The following BACE1 variants were observed in gnomAD, a reference collection of about 807,000 sequenced individuals.
The protein encoded by BACE1 is APP beta-secretase.
In BACE1, 21 loss-of-function variants were observed where a neutral mutation model predicts 54.0. The ratio of observed to expected loss-of-function variants is 0.39; its 90% CI spans 0.28 to 0.56. The LOEUF (loss-of-function observed/expected upper bound fraction) is 0.56. BACE1 is among the 20% of genes least tolerant of loss of function. The pLI is 0.63. For synonymous variants in BACE1, 232 were observed against 260.9 expected (o/e 0.89, Z 1.07); for missense variants, 511 against 661.2 (o/e 0.77, Z 2.49).
rs1254896673 is a variant in BACE1 at position 117,287,953 on chromosome 11, G to GACC, written c.*1610_*1612dup. On this transcript the variant is annotated 3_prime_UTR_variant, in exon 9 of 9. Transcript: ENST00000313005. ...GTCCCATACCTGGAAGCAGCGGGTT[G>GACC]ACCAGGTAGGAGTAGGATGCAGTGG... The GACC allele has an allele frequency of 6.6e-6, 1 of 152,654 alleles. No homozygotes were observed. The highest frequency in any genetic ancestry group is 1.9e-4 in the East Asian group (1 of 5,200). The allele number at this position is 152,654 out of a possible 1,614,324, so 9.5% of individuals were successfully genotyped here.
In BACE1 at chr11:117,315,441, G is replaced by A. The variant is rs967702122; in HGVS notation, c.261+94C>T. ...GGGGTCCCTCCTGCTGTCCCCACCA[G>A]CCCATTTGAGCAGGGGCTAGCTTGA... On this transcript the variant is annotated intron_variant, in intron 1 of 8. Transcript: ENST00000313005. This position sits in a 1 kb window ranked among gnomAD's most constrained non-coding sequence, Gnocchi z 5.5. 1 of 1,483,484 alleles carries A rather than the reference G, an allele frequency of 6.7e-7. No individual in the cohort carries two copies. The highest frequency in any genetic ancestry group is 9.0e-7 in the Non-Finnish European group (1 of 1,117,036). The allele number at this position is 1,483,484 out of a possible 1,614,324, so 91.9% of individuals were successfully genotyped here.
chr11:117,301,606 CAAA>C (rs1225592776), intron 1 of BACE1, among the ~76,000 whole-genome samples: 1 of 130,416 alleles, frequency 7.7e-6, no homozygotes, highest in Non-Finnish European at 1.7e-5. Flanking sequence ...AAGACCGTCT[CAAA>C]AAAAAAAAAA....
chr11:117,295,141 T>C lies in BACE1; in HGVS notation c.557A>G (p.Glu186Gly). 1.9e-6 allele frequency: 3 copies of C among 1,614,174 alleles called. No homozygotes were observed. The highest frequency in any genetic ancestry group is 2.5e-6 in the Non-Finnish European group (3 of 1,180,010). Reference sequence around the variant, plus strand: ...CCCTGTTCCTCTCACCCTGGCAATCTCAGCATAGGCCAGCCCCAGGATGCC... The same window carrying C: ...CCCTGTTCCTCTCACCCTGGCAATCCCAGCATAGGCCAGCCCCAGGATGCC... ...WEGILGLAYA[E>G]IARPDDSLEP... The change falls in exon 3 of 9, where the codon GAG (glutamate) becomes GGG (glycine). Residue 186 changes from glutamate (E) to glycine (G), a missense_variant. Glu to Gly is a moderately conservative substitution (Grantham distance 98). Coordinates refer to ENST00000313005, the MANE Select transcript of BACE1 (RefSeq NM_012104.6).
At position 117,289,630 on chromosome 11, in the gene BACE1, C is replaced by A. The variant is rs550533792; in HGVS notation, c.1442G>T (p.Arg481Leu). The change falls in exon 9 of 9, where the codon CGC becomes CTC. Residue 481 changes from arginine (R) to leucine (L), a missense_variant. Around this residue, in one of 2 missense-constraint regions of BACE1, gnomAD observed 407 missense variants for 565.7 expected, o/e 0.72. Transcript: ENST00000313005. ...LPLCLMVCQW[R>L]CLRCLRQQHD... ...CTGCTGGCGCAGGCAGCGGAGGCAGCGCCACTGACACACCATGAGGCAGAG... is the reference window on the plus strand; with the variant it reads ...CTGCTGGCGCAGGCAGCGGAGGCAGAGCCACTGACACACCATGAGGCAGAG... 1.9e-6 allele frequency: 3 copies of A among 1,614,170 alleles called. No individual in the cohort carries two copies. In the South Asian group the frequency reaches 3.3e-5, roughly 18 times the overall value.
At chr11:117,302,417 C>G (rs916723858) in intron 1 of BACE1, among the ~76,000 whole-genome samples, 1 of 152,196 alleles carries the variant, frequency 6.6e-6, no homozygotes, top group African/African-American at 2.4e-5. Context: ...TCAGATATCT[C>G]AGTTCCCCAC....
In BACE1 at chr11:117,289,224, G is replaced by A; in HGVS notation, c.*342C>T. 1 of 259,848 alleles carries A rather than the reference G, an allele frequency of 3.8e-6. No homozygotes were observed. The highest frequency in any genetic ancestry group is 7.5e-6 in the Non-Finnish European group (1 of 132,560). 16.1% of individuals were successfully genotyped at this position (259,848 alleles called of 1,614,324 possible). A position where few individuals can be genotyped will look rare whatever the true frequency, so the allele number is the denominator to read the frequency against. On this transcript the variant is annotated 3_prime_UTR_variant, in exon 9 of 9. Transcript: ENST00000313005. Reference sequence around the variant, plus strand: ...GTGATGCCAGTACTTCTGAAACTAAGAAAAGAAGAATACTTTGGGTTGGAG... The same window carrying A: ...GTGATGCCAGTACTTCTGAAACTAAAAAAAGAAGAATACTTTGGGTTGGAG...
chr11:117,289,165 G>A lies in BACE1; in HGVS notation c.*401C>T, dbSNP rs866649180. The A allele has an allele frequency of 3.9e-5, 8 of 207,138 alleles. No homozygotes were observed. Among genetic ancestry groups the A allele is most frequent in the Middle Eastern group, 2.1e-3 (1 of 484 alleles). 12.8% of individuals were successfully genotyped at this position (207,138 alleles called of 1,614,324 possible). A position where few individuals can be genotyped will look rare whatever the true frequency, so the allele number is the denominator to read the frequency against. On this transcript the variant is annotated 3_prime_UTR_variant, in exon 9 of 9. Coordinates refer to ENST00000313005, the MANE Select transcript of BACE1 (RefSeq NM_012104.6). Reference sequence around the variant, plus strand: ...CAAGCTTGGTCTCTTCTCTGCCAGGGTACCACAGGGACACACGCCAAGGTA... The same window carrying A: ...CAAGCTTGGTCTCTTCTCTGCCAGGATACCACAGGGACACACGCCAAGGTA...
Position 117,290,896 on chromosome 11 carries a change from A to G in BACE1, c.1092+4T>C. 3.7e-6 allele frequency: 6 copies of G among 1,613,730 alleles called. No homozygotes were observed. Among genetic ancestry groups the G allele is most frequent in the Non-Finnish European group, 5.1e-6 (6 of 1,179,848 alleles). ...AGATCCCCCTGACTCAGGCTGGGAC[A>G]TACCTGCGGAAGGATGGTGATGCGG... On this transcript the variant is annotated splice_donor_region_variant and intron_variant, in intron 7 of 8. Transcript: ENST00000313005.
At chr11:117,299,872 T>A (rs2034684053) in intron 1 of BACE1, among the ~76,000 whole-genome samples, 1 of 152,216 alleles carries the variant, frequency 6.6e-6, no homozygotes. Flanking sequence ...CAGGGCTCCC[T>A]GCTATCACTG....
intron 2 of BACE1, 179 bp from the exon 3 acceptor site, chr11:117,295,526 G>T: frequency 6.5e-7 from 1 of 1,535,916 alleles, no homozygotes; most frequent in Non-Finnish European, 8.7e-7. Flanking sequence ...AAGTGGGCTT[G>T]CAGATAGATG....
At chr11:117,311,303 G>A (rs929040553) in intron 1 of BACE1, among the ~76,000 whole-genome samples, 1 of 152,086 alleles carries the variant, frequency 6.6e-6, no homozygotes, top group African/African-American at 2.4e-5. Flanking sequence ...TCCAGCCTGG[G>A]CAACAGAGAG....
At position 117,293,204 on chromosome 11, in the gene BACE1, G is replaced by A; in HGVS notation, c.706-16C>T. On this transcript the variant is annotated splice_polypyrimidine_tract_variant and intron_variant, in intron 4 of 8. Coordinates refer to ENST00000313005, the MANE Select transcript of BACE1 (RefSeq NM_012104.6). The surrounding 1 kb of genome is among the most constrained non-coding windows in gnomAD (Gnocchi z 4.1). ...CTCCAATGATCTAGGGAAAAAAAGA[G>A]GCAGGTACCCGTGTCCTGGCACAGA... 6.2e-7 allele frequency: 1 copy of A among 1,612,606 alleles called. No homozygotes were observed. The highest frequency in any genetic ancestry group is 2.2e-5 in the East Asian group (1 of 44,762).
In BACE1 at chr11:117,293,978, A is replaced by T. The variant is rs1344472280; in HGVS notation, c.598T>A (p.Ser200Thr). The change falls in exon 4 of 9, where the codon TCT (serine) becomes ACT (threonine). Residue 200 changes from serine to threonine, a missense_variant. This residue lies in a region of BACE1 where 407 missense variants were observed against 565.7 expected (regional missense o/e 0.72). Transcript: ENST00000313005. The surrounding 1 kb of genome is among the most constrained non-coding windows in gnomAD (Gnocchi z 4.1). ...PDDSLEPFFDSLVKQTHVPNL... is the reference protein window; with the variant it reads ...PDDSLEPFFDTLVKQTHVPNL... ...GGAACGTGGGTCTGCTTTACCAGAG[A>T]GTCAAAGAAAGGCTCCAGGGAGTCG... 4 of 1,613,988 alleles carry T rather than the reference A, an allele frequency of 2.5e-6. No individual in the cohort carries two copies. The South Asian group carries it at 4.4e-5, about 18-fold the overall frequency.
At chr11:117,309,235 C>T (rs1036465981) in intron 1 of BACE1, among the ~76,000 whole-genome samples, 1 of 152,176 alleles carries the variant, frequency 6.6e-6, no homozygotes, top group Non-Finnish European at 1.5e-5. Flanking sequence ...CCAAGTTATT[C>T]TGCACACTGA....
rs751979949 is a variant in BACE1, at chr11:117,290,895, C to T, written c.1092+5G>A. ...GAGATCCCCCTGACTCAGGCTGGGACATACCTGCGGAAGGATGGTGATGCG... is the reference window on the plus strand; with the variant it reads ...GAGATCCCCCTGACTCAGGCTGGGATATACCTGCGGAAGGATGGTGATGCG... On this transcript the variant is annotated splice_donor_5th_base_variant and intron_variant, in intron 7 of 8. Coordinates refer to ENST00000313005, the MANE Select transcript of BACE1 (RefSeq NM_012104.6). The T allele has an allele frequency of 5.0e-6, 8 of 1,613,444 alleles. No homozygotes were observed. Among genetic ancestry groups the T allele is most frequent in the Non-Finnish European group, 5.9e-6 (7 of 1,179,734 alleles).
intron 1 of BACE1, among the ~76,000 whole-genome samples, chr11:117,299,422 C>T (rs568179122): frequency 2.0e-5 from 3 of 152,160 alleles, no homozygotes; most frequent in Non-Finnish European, 2.9e-5. Context: ...ACTTCAGTTT[C>T]GTCCTCTCTG....
chr11:117,293,675 G>A lies in BACE1; in HGVS notation c.705+196C>T. On this transcript the variant is annotated intron_variant, in intron 4 of 8. Transcript: ENST00000313005. This position sits in a 1 kb window ranked among gnomAD's most constrained non-coding sequence, Gnocchi z 4.1. The stretch of plus-strand genomic sequence containing the variant: ...TGCCTTCCTTTCCAAGTTTACCATA[G>A]GTGCCTTGATTCCTTTCTGGAATAA... 2.0e-6 allele frequency: 1 copy of A among 489,516 alleles called. No individual in the cohort carries two copies. 30.3% of individuals were successfully genotyped at this position (489,516 alleles called of 1,614,324 possible). A position where few individuals can be genotyped will look rare whatever the true frequency, so the allele number is the denominator to read the frequency against.
chr11:117,315,652 G>C lies in BACE1; in HGVS notation c.144C>G (p.Asp48Glu), dbSNP rs777927645. 1 of 1,575,108 alleles carries C rather than the reference G, an allele frequency of 6.3e-7. No individual in the cohort carries two copies. The highest frequency in any genetic ancestry group is 1.2e-5 in the South Asian group (1 of 86,320). The change falls in exon 1 of 9, where the codon GAC (aspartate) becomes GAG (glutamate). Residue 48 changes from aspartate to glutamate, a missense_variant. Coordinates refer to ENST00000313005, the MANE Select transcript of BACE1 (RefSeq NM_012104.6). The surrounding 1 kb of genome is among the most constrained non-coding windows in gnomAD (Gnocchi z 5.5). ...PLGLRLPRETDEEPEEPGRRG... is the reference protein window; with the variant it reads ...PLGLRLPRETEEEPEEPGRRG... ...TCCGGCCGGGCTCCTCGGGCTCTTC[G>C]TCGGTCTCCCGGGGCAGCCGCAGCC...
intron 1 of BACE1, among the ~76,000 whole-genome samples, chr11:117,303,147 G>T (rs1198371144): frequency 6.6e-6 from 1 of 152,130 alleles, no homozygotes; most frequent in Non-Finnish European, 1.5e-5. Flanking sequence ...TAGGTTATAG[G>T]TGTGGCTCTA....
Sources: gnomAD v4.1 joint callset for allele counts (sites outside exome capture counted in the v4.1 genomes callset) on GRCh38, gnomAD v4.1.1 for gene constraint, gnomAD v4.1.1 regional missense constraint, Gnocchi (gnomAD v3.1) non-coding constraint, MANE v1.5 for transcripts, NCBI Gene and HGNC (gene_info 2026-07-23, HGNC 2026-07-21) for gene names.